The following KCNN3 variants were observed in gnomAD, a reference collection of about 807,000 sequenced individuals.
The protein encoded by KCNN3 is potassium calcium-activated channel subfamily N member 3.
In KCNN3, 16 loss-of-function variants were observed where a neutral mutation model predicts 62.9. The ratio of observed to expected loss-of-function variants is 0.25; its 90% CI spans 0.17 to 0.39. KCNN3 has a LOEUF of 0.39. Ranked by LOEUF, KCNN3 falls within the 10% of genes least tolerant of loss-of-function variation. The pLI, the probability that KCNN3 is intolerant of heterozygous loss-of-function variation, is 1.00. For missense variants in KCNN3, 599 were observed against 949.4 expected (o/e 0.63, Z 4.85); for synonymous variants, 370 against 389.2 (o/e 0.95, Z 0.58).
intron 3 of KCNN3, among the ~76,000 whole-genome samples, chr1:154,733,631 G>T (rs537363935): frequency 6.6e-6 from 1 of 152,298 alleles, no homozygotes; most frequent in South Asian, 2.1e-4. Flanking sequence ...TCTCCCGGGG[G>T]TCTGGAGGGA....
Position 154,702,741 on chromosome 1 carries a change from A to G in KCNN3, c.*5235T>C, listed in dbSNP as rs529070514. ...TATATATATATATATATATATATAT[A>G]TATATATGTACTTTTTCTTTTTGGC... On this transcript the variant is annotated 3_prime_UTR_variant, in exon 8 of 8. Transcript: ENST00000271915. The G allele has an allele frequency of 3.5e-5, 4 of 114,746 alleles. No homozygotes were observed. The South Asian group carries it at 8.0e-4, about 23-fold the overall frequency. 7.1% of individuals were successfully genotyped at this position (114,746 alleles called of 1,614,324 possible).
At chr1:154,855,390 T>C (rs940023879) in intron 1 of KCNN3, among the ~76,000 whole-genome samples, 3 of 152,170 alleles carry the variant, frequency 2.0e-5, no homozygotes, top group African/African-American at 7.2e-5. Context: ...CTCCACTCAC[T>C]CACTGACTCA....
chr1:154,780,011 A>ACAGGGC (rs1234992746), intron 2 of KCNN3, among the ~76,000 whole-genome samples: 1 of 152,114 alleles, frequency 6.6e-6, no homozygotes, highest in Non-Finnish European at 1.5e-5. Flanking sequence ...ACACCTCAGG[A>ACAGGGC]CAGGGCCGTT....
intron 2 of KCNN3, among the ~76,000 whole-genome samples, chr1:154,811,494 C>T (rs1650405224): frequency 1.3e-5 from 2 of 152,190 alleles, no homozygotes; most frequent in Non-Finnish European, 2.9e-5. Context: ...GAACAAGTCT[C>T]AACTTGGACC....
At chr1:154,765,689 C>T (rs1244944673) in intron 3 of KCNN3, among the ~76,000 whole-genome samples, 2 of 147,334 alleles carry the variant, frequency 1.4e-5, no homozygotes, top group Non-Finnish European at 3.0e-5. Flanking sequence ...AGTGCAGTGG[C>T]GCAATCTCTG....
chr1:154,798,345 A>G (rs1649814920), intron 2 of KCNN3, among the ~76,000 whole-genome samples: 1 of 152,258 alleles, frequency 6.6e-6, no homozygotes, highest in Non-Finnish European at 1.5e-5. Context: ...TAGCTCAGGA[A>G]CATCATTATC....
At chr1:154,785,412 A>C (rs1477540153) in intron 2 of KCNN3, among the ~76,000 whole-genome samples, 1 of 151,914 alleles carries the variant, frequency 6.6e-6, no homozygotes, top group South Asian at 2.1e-4. Context: ...TCCCCAACTG[A>C]CTAAAAGGCC....
At chr1:154,726,696 T>C (rs1235887914) in intron 4 of KCNN3, among the ~76,000 whole-genome samples, 1 of 152,212 alleles carries the variant, frequency 6.6e-6, no homozygotes, top group Non-Finnish European at 1.5e-5. Context: ...CCTTCCTGCC[T>C]TCACCAGGAG....
chr1:154,830,287 G>A (rs906378090), intron 1 of KCNN3, among the ~76,000 whole-genome samples: 3 of 152,224 alleles, frequency 2.0e-5, no homozygotes, highest in Admixed American at 6.5e-5. Context: ...TCTGAAGCCT[G>A]GAGAGGGTCA....
rs116396670 is a variant in KCNN3 at position 154,808,472 on chromosome 1, C to T, written c.1029+13617G>A. On this transcript the variant is annotated intron_variant, in intron 2 of 7. Transcript: ENST00000271915. The stretch of plus-strand genomic sequence containing the variant: ...TCATTCCCATCTAGGTGGAACTGTG[C>T]GCCGTGCCCTCCACACCCTTGTCCT... Among the ~76,000 whole-genome samples, 1,231 of 152,236 alleles carry T rather than the reference C, an allele frequency of 8.1e-3. 23 individuals carry two copies. Among genetic ancestry groups the T allele is most frequent in the African/African-American group, 0.028 (1,179 of 41,524 alleles).
intron 5 of KCNN3, 39 bp downstream of exon 5, chr1:154,725,877 C>G (rs1249384346): frequency 2.6e-6 from 4 of 1,523,056 alleles, no homozygotes; most frequent in Non-Finnish European, 3.6e-6. Context: ...CCACTGTGGC[C>G]TTAAGTCCCC....
intron 2 of KCNN3, among the ~76,000 whole-genome samples, chr1:154,802,068 T>C (rs1200248564): frequency 6.6e-6 from 1 of 152,124 alleles, no homozygotes; most frequent in South Asian, 2.1e-4. Flanking sequence ...ACAAAAACAA[T>C]AGCAGCTACC....
chr1:154,810,736 A>G lies in KCNN3; in HGVS notation c.1029+11353T>C, dbSNP rs565469764. On this transcript the variant is annotated intron_variant, in intron 2 of 7. Coordinates refer to ENST00000271915, the MANE Select transcript of KCNN3 (RefSeq NM_002249.6). Reference sequence around the variant, plus strand: ...TTGGACCAACACTGGGTTACTGTTCAGCCCTAGGCTTCCTAATATTCACCC... The same window carrying G: ...TTGGACCAACACTGGGTTACTGTTCGGCCCTAGGCTTCCTAATATTCACCC... Among the ~76,000 whole-genome samples the G allele has an allele frequency of 1.1e-3, 169 of 152,216 alleles. 1 individual carries two copies. Among genetic ancestry groups the G allele is most frequent in the Non-Finnish European group, 1.5e-3 (100 of 68,022 alleles).
At chr1:154,826,936 G>A (rs1415982512) in intron 1 of KCNN3, among the ~76,000 whole-genome samples, 1 of 152,210 alleles carries the variant, frequency 6.6e-6, no homozygotes, top group Non-Finnish European at 1.5e-5. Context: ...CCCCAACCAA[G>A]CTGTTACCCA....
At chr1:154,811,082 C>T (rs905616527) in intron 2 of KCNN3, among the ~76,000 whole-genome samples, 1 of 152,226 alleles carries the variant, frequency 6.6e-6, no homozygotes, top group African/African-American at 2.4e-5. Flanking sequence ...CTCCAGCACA[C>T]AAGAGATCAA....
At chr1:154,819,146 C>T (rs1650787709) in intron 2 of KCNN3, among the ~76,000 whole-genome samples, 1 of 152,190 alleles carries the variant, frequency 6.6e-6, no homozygotes, top group Non-Finnish European at 1.5e-5. Flanking sequence ...CTAAGCACTC[C>T]CCTCTGCATA....
chr1:154,713,455 G>A lies in KCNN3; in HGVS notation c.1899+9C>T. On this transcript the variant is annotated intron_variant, in intron 7 of 7. Transcript: ENST00000271915. The stretch of plus-strand genomic sequence containing the variant: ...GTTCTAGGGGATGTCTCCAGACACT[G>A]CCACTCACCTTGGAAAGGTCCACCA... 2 of 1,609,310 alleles carry A rather than the reference G, an allele frequency of 1.2e-6. No individual in the cohort carries two copies. The highest frequency in any genetic ancestry group is 1.7e-6 in the Non-Finnish European group (2 of 1,175,672).
In KCNN3 at chr1:154,834,883, C is replaced by T. The variant is rs78205344; in HGVS notation, c.934-12699G>A. Among the ~76,000 whole-genome samples the T allele has an allele frequency of 3.3e-5, 5 of 152,306 alleles. No individual in the cohort carries two copies. In the East Asian group the frequency reaches 7.7e-4, roughly 23 times the overall value. On this transcript the variant is annotated intron_variant, in intron 1 of 7. Transcript: ENST00000271915. ...AGCACAGTCCCGGCTGAGACCTACA[C>T]CCTGAGCTCTTCACGGAGGAGGTCG...
chr1:154,744,757 C>A (rs1325018426), intron 3 of KCNN3, among the ~76,000 whole-genome samples: 2 of 152,026 alleles, frequency 1.3e-5, no homozygotes, highest in Non-Finnish European at 2.9e-5. Context: ...GGGGTGAAAT[C>A]ATCATTTCTT....
Sources: gnomAD v4.1 joint callset for allele counts (sites outside exome capture counted in the v4.1 genomes callset) on GRCh38, gnomAD v4.1.1 for gene constraint, MANE v1.5 for transcripts, NCBI Gene and HGNC (gene_info 2026-07-23, HGNC 2026-07-21) for gene names.